Variants in ADTRP observed in about 807,000 individuals in gnomAD.
ADTRP encodes androgen dependent TFPI regulating protein.
A neutral mutation model predicts 27.0 loss-of-function variants in ADTRP; 20 were observed. That is an observed-to-expected ratio of 0.74 (90% CI 0.52 to 1.08). The LOEUF (loss-of-function observed/expected upper bound fraction) is 1.08, where lower values mean the gene tolerates loss of function less well. ADTRP is among the 50% of genes least tolerant of loss of function. ADTRP has a pLI of 0.00. For synonymous variants in ADTRP, 101 were observed against 105.2 expected, an observed-to-expected ratio of 0.96 and a Z score of 0.25; for missense variants, 251 against 275.0, an observed-to-expected ratio of 0.91 and a Z score of 0.62.
intron 1 of ADTRP, among the ~76,000 whole-genome samples, chr6:11,770,720 G>C (rs1180927920): frequency 6.6e-6 from 1 of 152,158 alleles, no homozygotes; most frequent in Non-Finnish European, 1.5e-5. Context: ...CACACCCTCA[G>C]GGCTGCAGAA....
intron 1 of ADTRP, among the ~76,000 whole-genome samples, chr6:11,769,522 C>T (rs768593861): frequency 6.6e-6 from 1 of 152,014 alleles, no homozygotes; most frequent in Non-Finnish European, 1.5e-5. Context: ...TCCCAGACTA[C>T]GGAATCAAAA....
At chr6:11,759,704 G>A (rs374551834) in intron 3 of ADTRP, among the ~76,000 whole-genome samples, 31 of 152,258 alleles carry the variant, frequency 2.0e-4, no homozygotes, top group East Asian at 1.3e-3. Context: ...TGGAACCCGT[G>A]AATATGTTGA....
intron 4 of ADTRP, among the ~76,000 whole-genome samples, chr6:11,734,295 GAA>G (rs1762475923): frequency 6.6e-6 from 1 of 152,186 alleles, no homozygotes; most frequent in Admixed American, 6.5e-5. Context: ...TCATGCTATT[GAA>G]AGTCATTGCC....
At chr6:11,777,262 G>A (rs1016056744) in intron 1 of ADTRP, among the ~76,000 whole-genome samples, 4 of 152,270 alleles carry the variant, frequency 2.6e-5, no homozygotes, top group Admixed American at 2.0e-4. Flanking sequence ...GTGTGTGTGT[G>A]TGTGTATACA....
intron 3 of ADTRP, among the ~76,000 whole-genome samples, chr6:11,743,132 C>T (rs1581337588): frequency 1.3e-5 from 2 of 152,252 alleles, no homozygotes; most frequent in East Asian, 3.9e-4. Flanking sequence ...CCCCTTTGGT[C>T]TGCACTCAAT....
At chr6:11,770,207 C>G in intron 1 of ADTRP, 1 of 861,990 alleles carries the variant, frequency 1.2e-6, no homozygotes. Context: ...ACTTCACAAA[C>G]CACCGCTGCC....
intron 1 of ADTRP, among the ~76,000 whole-genome samples, chr6:11,770,753 C>T (rs1312093735): frequency 6.6e-6 from 1 of 152,142 alleles, no homozygotes; most frequent in Non-Finnish European, 1.5e-5. Flanking sequence ...GTCATTTGCA[C>T]AGGGAGTTGG....
intron 3 of ADTRP, among the ~76,000 whole-genome samples, chr6:11,745,815 G>C (rs1486466609): frequency 1.3e-5 from 2 of 151,600 alleles, no homozygotes; most frequent in Non-Finnish European, 2.9e-5. Flanking sequence ...TTTTGAGACA[G>C]AGTCTTGCTC....
chr6:11,761,953 G>A (rs1271739188), intron 3 of ADTRP, among the ~76,000 whole-genome samples: 1 of 152,140 alleles, frequency 6.6e-6, no homozygotes, highest in Admixed American at 6.5e-5. Context: ...AATCAGGAAG[G>A]GTGGGAGGAG....
intron 4 of ADTRP, among the ~76,000 whole-genome samples, chr6:11,734,072 C>CA (rs923025059): frequency 1.3e-5 from 2 of 151,704 alleles, no homozygotes; most frequent in Non-Finnish European, 2.9e-5. Flanking sequence ...TAAAGACCAC[C>CA]AAAAAAAATA....
chr6:11,746,822 C>T (rs1762879630), intron 3 of ADTRP, among the ~76,000 whole-genome samples: 1 of 152,150 alleles, frequency 6.6e-6, no homozygotes, highest in Non-Finnish European at 1.5e-5. Context: ...GTCCTTCCTT[C>T]CAGGCTAAGT....
In ADTRP at chr6:11,730,757, G is replaced by A. The variant is rs563683090; in HGVS notation, c.506+4811C>T. On this transcript the variant is annotated intron_variant, in intron 4 of 5. Transcript: ENST00000414691. ...GGACTTTACAAACATCTGCCCCAAG[G>A]CTGGGTGACAGCTGCATATCTGTGC... is the stretch of plus-strand genomic sequence containing the variant. 3.5e-4 allele frequency among the ~76,000 whole-genome samples: 54 copies of A among 152,346 alleles called. 1 individual carries two copies. Among genetic ancestry groups the A allele is most frequent in the African/African-American group, 1.3e-3 (54 of 41,578 alleles).
At chr6:11,724,525 C>T (rs540664172) in intron 4 of ADTRP, among the ~76,000 whole-genome samples, 71 of 152,256 alleles carry the variant, frequency 4.7e-4, no homozygotes, top group African/African-American at 1.4e-3. Flanking sequence ...TAAGTGAAGC[C>T]TAAAAATGCA....
rs781070557 is a variant in ADTRP at position 11,720,632 on chromosome 6, C to T, written c.658+2717G>A. 1.5e-3 allele frequency among the ~76,000 whole-genome samples: 229 copies of T among 152,168 alleles called. 1 individual carries two copies. Among genetic ancestry groups the T allele is most frequent in the Non-Finnish European group, 2.3e-3 (159 of 67,996 alleles). On this transcript the variant is annotated intron_variant, in intron 5 of 5. Coordinates refer to ENST00000414691, the MANE Select transcript of ADTRP (RefSeq NM_032744.4). Reference sequence around the variant, plus strand: ...GACTACAGGCGCCCGCCACCACACCCGGCTAATTTTTTGTATTTTTAGTAG... The same window carrying T: ...GACTACAGGCGCCCGCCACCACACCTGGCTAATTTTTTGTATTTTTAGTAG...
chr6:11,719,339 A>T (rs1761934894), intron 5 of ADTRP, among the ~76,000 whole-genome samples: 1 of 152,194 alleles, frequency 6.6e-6, no homozygotes, highest in Admixed American at 6.5e-5. Context: ...CATTTTGATG[A>T]GCATCAGAGG....
At chr6:11,758,705 A>G (rs1311780892) in intron 3 of ADTRP, among the ~76,000 whole-genome samples, 1 of 151,722 alleles carries the variant, frequency 6.6e-6, no homozygotes, top group East Asian at 1.9e-4. Flanking sequence ...GTACCCTAAA[A>G]CTTAAAGTAT....
chr6:11,745,933 G>A (rs576846661), intron 3 of ADTRP, among the ~76,000 whole-genome samples: 51 of 152,106 alleles, frequency 3.4e-4, no homozygotes, highest in Non-Finnish European at 6.5e-4. Context: ...TGGGATTACA[G>A]GCGTGTGCCA....
intron 1 of ADTRP, among the ~76,000 whole-genome samples, chr6:11,778,019 A>G (rs1218609482): frequency 6.6e-6 from 1 of 152,234 alleles, no homozygotes; most frequent in African/African-American, 2.4e-5. Flanking sequence ...GGAGTAAGTC[A>G]TAAGATTGGT....
At chr6:11,724,591 A>C (rs1445070905) in intron 4 of ADTRP, among the ~76,000 whole-genome samples, 1 of 152,322 alleles carries the variant, frequency 6.6e-6, no homozygotes. Flanking sequence ...AACTTTAAAA[A>C]ATTAAATGTG....
Sources: gnomAD v4.1 joint callset for allele counts (sites outside exome capture counted in the v4.1 genomes callset) on GRCh38, gnomAD v4.1.1 for gene constraint, MANE v1.5 for transcripts, NCBI Gene and HGNC (gene_info 2026-07-23, HGNC 2026-07-21) for gene names.